Variants in TBC1D9 observed in about 807,000 individuals in gnomAD.
The protein encoded by TBC1D9 is TBC1 domain family member 9A.
TBC1D9 carries 63 observed loss-of-function variants against 132.0 expected under a neutral mutation model. The observed-to-expected ratio is 0.48, with a 90% CI of 0.39 to 0.59. TBC1D9 has a LOEUF of 0.59. Ranked by LOEUF, TBC1D9 falls within the 20% of genes least tolerant of loss-of-function variation. The probability of loss-of-function intolerance (pLI) is 0.00; values close to 1 mark genes in which losing one functional copy is unlikely to be tolerated. For synonymous variants in TBC1D9, 610 were observed against 609.9 expected, an observed-to-expected ratio of 1.00 and a Z score of 0.00; for missense variants, 1,261 against 1,592.7, an observed-to-expected ratio of 0.79 and a Z score of 3.54.
Position 140,661,989 on chromosome 4 carries a change from T to C in TBC1D9, c.1707A>G (p.Pro569=). The C allele has an allele frequency of 6.2e-7, 1 of 1,614,046 alleles. No individual in the cohort carries two copies. The highest frequency in any genetic ancestry group is 1.1e-5 in the South Asian group (1 of 91,086). ...EIERDLHRSL[P]EHPAFQNEMG... ...TTTCATTCTGAAAAGCTGGGTGTTC[T>C]GGAAGGGAGCGGTGTAAATCCCTCT... is the stretch of plus-strand genomic sequence containing the variant. The change falls in exon 10 of 21, where the codon CCA becomes CCG. Residue 569 remains proline, a synonymous_variant. Coordinates refer to ENST00000442267, the MANE Select transcript of TBC1D9 (RefSeq NM_015130.3).
intron 20 of TBC1D9, 119 bp from the exon 21 acceptor site, chr4:140,623,036 C>T (rs1736646588): frequency 1.6e-6 from 2 of 1,257,598 alleles, no homozygotes; most frequent in East Asian, 5.5e-5. Flanking sequence ...AAGTCCTCCG[C>T]CTAGGCTGGA....
At chr4:140,711,833 T>G (rs1335572581) in intron 1 of TBC1D9, among the ~76,000 whole-genome samples, 1 of 152,194 alleles carries the variant, frequency 6.6e-6, no homozygotes, top group Admixed American at 6.5e-5. Flanking sequence ...TATTACAAAT[T>G]ACAATACATG....
intron 15 of TBC1D9, among the ~76,000 whole-genome samples, chr4:140,637,008 GCTGTTAT>G (rs530140119): frequency 6.4e-4 from 97 of 152,254 alleles, no homozygotes; most frequent in African/African-American, 2.3e-3. Flanking sequence ...AAATGACACG[GCTGTTAT>G]CTGAAGGTAC....
chr4:140,674,691 A>ATATATATATATATATATTTTT (rs1553969850), intron 6 of TBC1D9, among the ~76,000 whole-genome samples: 1 of 144,918 alleles, frequency 6.9e-6, no homozygotes, highest in African/African-American at 2.7e-5. Context: ...ATATATATAT[A>ATATATATATATATATATTTTT]TTTTTTTTTA....
chr4:140,647,067 A>G (rs553422872), intron 13 of TBC1D9, among the ~76,000 whole-genome samples: 16 of 152,324 alleles, frequency 1.1e-4, no homozygotes, highest in African/African-American at 3.8e-4. Flanking sequence ...ATGCCTACTG[A>G]TGAAGAACTG....
At chr4:140,729,192 G>A (rs1310798687) in intron 1 of TBC1D9, among the ~76,000 whole-genome samples, 3 of 152,034 alleles carry the variant, frequency 2.0e-5, no homozygotes, top group Non-Finnish European at 4.4e-5. Flanking sequence ...ATAACGACAG[G>A]ATGAAACCAC....
intron 3 of TBC1D9, among the ~76,000 whole-genome samples, chr4:140,685,036 A>G (rs996485595): frequency 6.6e-6 from 1 of 151,684 alleles, no homozygotes; most frequent in African/African-American, 2.4e-5. Context: ...TTATAGTAGA[A>G]TAATAGTTGC....
At chr4:140,659,857 C>T (rs1332665886) in intron 10 of TBC1D9, among the ~76,000 whole-genome samples, 152 bp from the exon 11 acceptor site, 1 of 152,230 alleles carries the variant, frequency 6.6e-6, no homozygotes, top group East Asian at 1.9e-4. Flanking sequence ...AGGCTTTACA[C>T]ATAGTCTCTG....
rs563665831 is a variant in TBC1D9 at position 140,634,146 on chromosome 4, C to G, written c.2548G>C (p.Ala850Pro). The stretch of plus-strand genomic sequence containing the variant: ...AGGCTGGGGTCATGCCGGTCCAGCG[C>G]GTTGCTGCTCCCGCCCCAGTAGCAG... The part of the protein sequence containing the change: ...TSCYWGGSSN[A>P]LDRHDPSLPY... Residue 850 changes from alanine to proline, a missense_variant, in exon 16 of 21, where the codon GCG (alanine) becomes CCG (proline). Around this residue, in one of 3 missense-constraint regions of TBC1D9, gnomAD observed 618 missense variants for 724.4 expected, o/e 0.85. Transcript: ENST00000442267. 2.6e-5 allele frequency: 42 copies of G among 1,613,708 alleles called. No individual in the cohort carries two copies. The highest frequency in any genetic ancestry group is 4.0e-5 in the African/African-American group (3 of 74,926).
At chr4:140,651,543 T>C (rs1737187784) in intron 13 of TBC1D9, among the ~76,000 whole-genome samples, 1 of 152,202 alleles carries the variant, frequency 6.6e-6, no homozygotes, top group Non-Finnish European at 1.5e-5. Context: ...AACTTATAGG[T>C]CCACATTTTC....
intron 10 of TBC1D9, 82 bp downstream of exon 10, chr4:140,661,810 TA>T: frequency 8.3e-7 from 1 of 1,209,160 alleles, no homozygotes; most frequent in Non-Finnish European, 1.2e-6. Context: ...CTGTTAACCA[TA>T]AACCTTCCTT....
intron 2 of TBC1D9, among the ~76,000 whole-genome samples, chr4:140,699,204 T>C (rs1277810663): frequency 6.6e-6 from 1 of 152,086 alleles, no homozygotes; most frequent in African/African-American, 2.4e-5. Context: ...TATAGTGACA[T>C]AAATAATTAA....
In TBC1D9 at chr4:140,709,229, C is replaced by CTT. The variant is rs1369564131; in HGVS notation, c.131-7616_131-7615insAA. 1.7e-3 allele frequency among the ~76,000 whole-genome samples: 171 copies of CTT among 101,428 alleles called. 2 individuals are homozygous for CTT. The highest frequency in any genetic ancestry group is 6.9e-3 in the African/African-American group (161 of 23,296). 66.5% of individuals were successfully genotyped at this position (101,428 alleles called of 152,430 possible). On this transcript the variant is annotated intron_variant, in intron 1 of 20. Transcript: ENST00000442267. ...GAAGGAACCAGCCTTATCTCTCTCT[C>CTT]TCTCTCTCTCTCTCTCTCTCACACA...
intron 1 of TBC1D9, among the ~76,000 whole-genome samples, chr4:140,741,958 C>G (rs1029710042): frequency 6.6e-6 from 1 of 152,126 alleles, no homozygotes; most frequent in African/African-American, 2.4e-5. Flanking sequence ...GTTGTCCTAC[C>G]TTTCCAGACC....
At chr4:140,734,098 T>C (rs1738639010) in intron 1 of TBC1D9, among the ~76,000 whole-genome samples, 1 of 152,188 alleles carries the variant, frequency 6.6e-6, no homozygotes, top group African/African-American at 2.4e-5. Flanking sequence ...CCACGGATCC[T>C]GATTTTGTTG....
intron 13 of TBC1D9, chr4:140,642,052 G>A: frequency 1.5e-6 from 1 of 680,970 alleles, no homozygotes; most frequent in Non-Finnish European, 2.7e-6. Context: ...GCTGGTGGCT[G>A]GCTTAGGTTT....
chr4:140,639,985 GAGAA>G (rs1171950099), intron 13 of TBC1D9, among the ~76,000 whole-genome samples: 1 of 152,192 alleles, frequency 6.6e-6, no homozygotes, highest in Non-Finnish European at 1.5e-5. Flanking sequence ...TCTGAAGGCA[GAGAA>G]AGAATTTGTA....
rs565550166 is a variant in TBC1D9, at chr4:140,625,219, A to T, written c.2900-831T>A. On this transcript the variant is annotated intron_variant, in intron 18 of 20. Coordinates refer to ENST00000442267, the MANE Select transcript of TBC1D9 (RefSeq NM_015130.3). Reference sequence around the variant, plus strand: ...TGCCAGACCCTGCAAAAGATCCAGAACTCACTCTTTCAAGGAAATTAAAAT... The same window carrying T: ...TGCCAGACCCTGCAAAAGATCCAGATCTCACTCTTTCAAGGAAATTAAAAT... 1.4e-3 allele frequency among the ~76,000 whole-genome samples: 214 copies of T among 152,232 alleles called. 2 individuals carry two copies. Among genetic ancestry groups the T allele is most frequent in the Admixed American group, 3.8e-3 (58 of 15,288 alleles).
At chr4:140,713,476 A>G (rs929228690) in intron 1 of TBC1D9, among the ~76,000 whole-genome samples, 2 of 152,110 alleles carry the variant, frequency 1.3e-5, no homozygotes, top group East Asian at 1.9e-4. Context: ...GGTACAGTGG[A>G]CTGTAATCCC....
Sources: gnomAD v4.1 joint callset for allele counts (sites outside exome capture counted in the v4.1 genomes callset) on GRCh38, gnomAD v4.1.1 for gene constraint, gnomAD v4.1.1 regional missense constraint, MANE v1.5 for transcripts, NCBI Gene and HGNC (gene_info 2026-07-23, HGNC 2026-07-21) for gene names.